Variants in FAT4 observed in about 807,000 individuals in gnomAD.
FAT4 encodes the protein protocadherin Fat 4.
FAT4 carries 84 observed loss-of-function variants against 303.9 expected under a neutral mutation model. The ratio of observed to expected loss-of-function variants is 0.28; its 90% CI spans 0.23 to 0.33. FAT4 has a LOEUF of 0.33. Among genes scored for constraint, FAT4 ranks in the 10% least tolerant of loss-of-function variants. The probability of loss-of-function intolerance (pLI) is 1.00; values close to 1 mark genes in which losing one functional copy is unlikely to be tolerated. For synonymous variants in FAT4, 2,307 were observed against 2,298.8 expected (o/e 1.00, Z -0.10); for missense variants, 6,005 against 6,146.8 (o/e 0.98, Z 0.77).
chr4:125,368,486 G>GAT lies in FAT4; in HGVS notation c.5176-30285_5176-30284dup, dbSNP rs1170884777. On this transcript the variant is annotated intron_variant, in intron 2 of 17. Coordinates refer to ENST00000394329, the MANE Select transcript of FAT4 (RefSeq NM_001291303.3). ...AAGTCTGTGATATTTCTCTAGTTAG[G>GAT]ATATATATATATATGTATGTATATA... Among the ~76,000 whole-genome samples the GAT allele has an allele frequency of 1.7e-3, 233 of 140,050 alleles. 2 individuals carry two copies. The highest frequency in any genetic ancestry group is 5.7e-3 in the Admixed American group (77 of 13,602). The allele number at this position is 140,050 out of a possible 152,430, so 91.9% of individuals were successfully genotyped here.
intron 7 of FAT4, among the ~76,000 whole-genome samples, chr4:125,426,869 A>T (rs897288461): frequency 5.9e-5 from 9 of 152,162 alleles, no homozygotes; most frequent in Admixed American, 4.6e-4. Flanking sequence ...AATGATAAAG[A>T]TTATATAAAA....
chr4:125,332,159 C>CTT (rs199702900), intron 2 of FAT4, among the ~76,000 whole-genome samples: 63,469 of 132,682 alleles, frequency 0.48, 15,059 homozygotes, highest in Non-Finnish European at 0.56. Flanking sequence ...CCGTTCCATT[C>CTT]TTTTTTTTTT....
chr4:125,326,931 A>G (rs1355528140), intron 2 of FAT4, among the ~76,000 whole-genome samples: 2 of 152,180 alleles, frequency 1.3e-5, no homozygotes, highest in Non-Finnish European at 2.9e-5. Context: ...AGGCTGAGAT[A>G]GGAGAACCAC....
chr4:125,387,213 A>G (rs1385309187), intron 2 of FAT4, among the ~76,000 whole-genome samples: 1 of 152,204 alleles, frequency 6.6e-6, no homozygotes, highest in Non-Finnish European at 1.5e-5. Flanking sequence ...CTGAAATAGA[A>G]TAGCATAGCT....
At chr4:125,402,000 T>C (rs1340246894) in intron 3 of FAT4, among the ~76,000 whole-genome samples, 1 of 151,958 alleles carries the variant, frequency 6.6e-6, no homozygotes, top group Non-Finnish European at 1.5e-5. Flanking sequence ...ATTTTGAATA[T>C]TTAGTAAATA....
chr4:125,328,660 A>G (rs1246242684), intron 2 of FAT4, among the ~76,000 whole-genome samples: 2 of 152,194 alleles, frequency 1.3e-5, no homozygotes, highest in Non-Finnish European at 2.9e-5. Context: ...TAAATCGTTT[A>G]TGTTATTGTT....
intron 2 of FAT4, among the ~76,000 whole-genome samples, chr4:125,327,527 A>C (rs1467555003): frequency 3.3e-5 from 5 of 152,130 alleles, no homozygotes; most frequent in Non-Finnish European, 7.4e-5. Context: ...AAATGTATTG[A>C]ACAAAATGCT....
chr4:125,491,631 G>A lies in FAT4; in HGVS notation c.14815G>A (p.Gly4939Ser), dbSNP rs778778303. 2 of 1,614,162 alleles carry A rather than the reference G, an allele frequency of 1.2e-6. No homozygotes were observed. The highest frequency in any genetic ancestry group is 3.3e-5 in the Admixed American group (2 of 60,024). ...CAACTGGGACAACCTTTTGAACTGG[G>A]GCCCTGGCTTTGGCCATTATGTAGA... ...TFNWDNLLNWGPGFGHYVDVF... is the reference protein window; with the variant it reads ...TFNWDNLLNWSPGFGHYVDVF... Residue 4939 changes from glycine (G) to serine (S), a missense_variant, in exon 18 of 18, where the codon GGC (glycine) becomes AGC (serine). Physicochemically the swap from Gly to Ser is moderately conservative, Grantham distance 56. Transcript: ENST00000394329.
intron 7 of FAT4, among the ~76,000 whole-genome samples, chr4:125,425,988 G>C (rs971701033): frequency 1.3e-5 from 2 of 152,022 alleles, no homozygotes; most frequent in South Asian, 4.1e-4. Flanking sequence ...CTTTTTAATG[G>C]AGGGAAACAT....
At chr4:125,398,650 T>C (rs1734269464) in intron 2 of FAT4, 134 bp from the exon 3 acceptor site, 1 of 793,134 alleles carries the variant, frequency 1.3e-6, no homozygotes, top group East Asian at 2.6e-5. Context: ...GTAGTTTCTG[T>C]TGTTTGGATG....
In FAT4 at chr4:125,449,693, C is replaced by G. The variant is rs200141245; in HGVS notation, c.8683C>G (p.Gln2895Glu). The change falls in exon 10 of 18, where the codon CAG (glutamine) becomes GAG (glutamate). Residue 2895 changes from glutamine to glutamate, a missense_variant. Coordinates refer to ENST00000394329, the MANE Select transcript of FAT4 (RefSeq NM_001291303.3). Reference protein sequence around the residue: ...ELTEIGSKVTQVFATDPDEGS... With the variant: ...ELTEIGSKVTEVFATDPDEGS... ...TACTGAGATTGGCTCCAAAGTAACT[C>G]AGGTATTTGCAACAGATCCTGATGA... 1.9e-6 allele frequency: 3 copies of G among 1,613,926 alleles called. No individual in the cohort carries two copies. In the African/African-American group the frequency reaches 4.0e-5, roughly 22 times the overall value.
At position 125,490,844 on chromosome 4, in the gene FAT4, C is replaced by T. The variant is rs762365498; in HGVS notation, c.14028C>T (p.Tyr4676=). 5.0e-6 allele frequency: 8 copies of T among 1,614,026 alleles called. No individual in the cohort carries two copies. Among genetic ancestry groups the T allele is most frequent in the East Asian group, 2.2e-5 (1 of 44,874 alleles). The change falls in exon 18 of 18, where the codon TAC becomes TAT. Residue 4676 remains tyrosine, a synonymous_variant. Transcript: ENST00000394329. ...CCTTAGGAGCAAGCAGTTTGACTTA[C>T]CAGCCTTCATATGGTCAAGGTTTGA... is the stretch of plus-strand genomic sequence containing the variant. The part of the protein sequence containing the change: ...PMPLGASSLT[Y]QPSYGQGLRT...
intron 14 of FAT4, 199 bp downstream of exon 14, chr4:125,477,533 A>C: frequency 2.8e-6 from 1 of 354,660 alleles, no homozygotes; most frequent in East Asian, 3.8e-5. Flanking sequence ...ATATGTTTCT[A>C]GATTCTTATA....
At chr4:125,366,705 C>G (rs1732899373) in intron 2 of FAT4, among the ~76,000 whole-genome samples, 1 of 152,172 alleles carries the variant, frequency 6.6e-6, no homozygotes, top group Non-Finnish European at 1.5e-5. Context: ...AACTAATTTA[C>G]AGTCCCACCT....
chr4:125,378,271 G>A (rs982324951), intron 2 of FAT4, among the ~76,000 whole-genome samples: 1 of 152,104 alleles, frequency 6.6e-6, no homozygotes, highest in African/African-American at 2.4e-5. Context: ...TCATTAAAAT[G>A]TAAGGTACAT....
intron 2 of FAT4, chr4:125,394,064 C>T: frequency 1.3e-6 from 1 of 760,346 alleles, no homozygotes; most frequent in Non-Finnish European, 2.5e-6. Context: ...TGAAACCACA[C>T]ACATTTTTAA....
intron 10 of FAT4, among the ~76,000 whole-genome samples, chr4:125,454,176 G>A (rs1215803196): frequency 6.6e-6 from 1 of 152,150 alleles, no homozygotes; most frequent in Admixed American, 6.5e-5. Context: ...ATGTATTACA[G>A]AATAATATTT....
At chr4:125,367,962 G>C (rs954000895) in intron 2 of FAT4, among the ~76,000 whole-genome samples, 12 of 152,156 alleles carry the variant, frequency 7.9e-5, no homozygotes, top group African/African-American at 2.7e-4. Flanking sequence ...TTTCCTACCT[G>C]ATGGTGTGGA....
intron 8 of FAT4, among the ~76,000 whole-genome samples, chr4:125,438,272 TG>T (rs1287809728): frequency 6.6e-6 from 1 of 152,210 alleles, no homozygotes; most frequent in Non-Finnish European, 1.5e-5. Context: ...AAGTAAATGC[TG>T]TGATGACCTG....
Sources: gnomAD v4.1 joint callset for allele counts (sites outside exome capture counted in the v4.1 genomes callset) on GRCh38, gnomAD v4.1.1 for gene constraint, MANE v1.5 for transcripts, NCBI Gene and HGNC (gene_info 2026-07-23, HGNC 2026-07-21) for gene names.